Variants in TCF4 observed in about 807,000 individuals in gnomAD.
TCF4 encodes the protein SL3-3 enhancer factor 2.
A neutral mutation model predicts 82.1 loss-of-function variants in TCF4; 3 were observed. The ratio of observed to expected loss-of-function variants is 0.04; its 90% CI spans 0.02 to 0.09. The LOEUF is 0.09. Ranked by LOEUF, TCF4 falls within the 10% of genes least tolerant of loss-of-function variation. The pLI is 1.00. For synonymous variants in TCF4, 276 were observed against 309.6 expected (o/e 0.89, Z 1.14); for missense variants, 518 against 852.7 (o/e 0.61, Z 4.89).
At chr18:55,521,319 A>G (rs1168472968) in intron 3 of TCF4, among the ~76,000 whole-genome samples, 1 of 152,222 alleles carries the variant, frequency 6.6e-6, no homozygotes, top group Non-Finnish European at 1.5e-5. Flanking sequence ...CCTTAAAAGC[A>G]TGTTATGTAA....
intron 3 of TCF4, among the ~76,000 whole-genome samples, chr18:55,573,674 C>T (rs1407100367): frequency 1.3e-5 from 2 of 152,212 alleles, no homozygotes; most frequent in Non-Finnish European, 2.9e-5. Flanking sequence ...CCACAGTTCA[C>T]CTGGGCTGAT....
Position 55,253,402 on chromosome 18 carries a change from GC to G in TCF4, c.1350+1094del, listed in dbSNP as rs576191020. Reference sequence around the variant, plus strand: ...AAGGGGCAAAATAGGACACTAAGGTGCTTAGAGACGAGGTAGAGCTTGTGAG... The same window carrying G: ...AAGGGGCAAAATAGGACACTAAGGTGTTAGAGACGAGGTAGAGCTTGTGAG... On this transcript the variant is annotated intron_variant, in intron 15 of 19. Transcript: ENST00000354452. 9.2e-5 allele frequency among the ~76,000 whole-genome samples: 14 copies of G among 152,262 alleles called. No homozygotes were observed. In the East Asian group the frequency reaches 2.7e-3, roughly 29 times the overall value.
chr18:55,531,593 T>C (rs1378415246), intron 3 of TCF4, among the ~76,000 whole-genome samples: 1 of 152,188 alleles, frequency 6.6e-6, no homozygotes, highest in African/African-American at 2.4e-5. Flanking sequence ...TGTAGAGGAA[T>C]AGTATTTCAC....
intron 8 of TCF4, among the ~76,000 whole-genome samples, chr18:55,286,460 G>A (rs1451688912): frequency 6.6e-6 from 1 of 151,864 alleles, no homozygotes; most frequent in Non-Finnish European, 1.5e-5. Context: ...CTTACGCCAG[G>A]GCCTGGACAG....
upstream of TCF4, chr18:55,588,340 G>A (rs2097673044): frequency 2.0e-6 from 3 of 1,485,526 alleles, no homozygotes; most frequent in Non-Finnish European, 2.7e-6. Flanking sequence ...CTCCGGCGGG[G>A]AGACGCGACT....
chr18:55,546,048 G>A (rs1421790101), intron 3 of TCF4, among the ~76,000 whole-genome samples: 2 of 152,034 alleles, frequency 1.3e-5, no homozygotes, highest in Non-Finnish European at 2.9e-5. Context: ...AAATAGAGAC[G>A]TAAGTGCAGG....
At chr18:55,334,172 T>G (rs189062546) in intron 8 of TCF4, among the ~76,000 whole-genome samples, 31 of 152,194 alleles carry the variant, frequency 2.0e-4, no homozygotes, top group Admixed American at 2.0e-3. Flanking sequence ...CTAATTCAAA[T>G]AAAACCATAA....
intron 3 of TCF4, among the ~76,000 whole-genome samples, chr18:55,575,747 G>A (rs1300002754): frequency 2.6e-5 from 4 of 152,088 alleles, no homozygotes; most frequent in African/African-American, 9.7e-5. Context: ...ACAATATTTG[G>A]GGGAAGGGAT....
At chr18:55,449,429 A>C (rs1225200553) in intron 5 of TCF4, among the ~76,000 whole-genome samples, 1 of 152,254 alleles carries the variant, frequency 6.6e-6, no homozygotes, top group Non-Finnish European at 1.5e-5. Flanking sequence ...GCTTTCAAAA[A>C]CACGGATATT....
intron 8 of TCF4, among the ~76,000 whole-genome samples, chr18:55,290,788 T>C (rs914591305): frequency 6.6e-6 from 1 of 152,074 alleles, no homozygotes; most frequent in African/African-American, 2.4e-5. Context: ...AGTCACACTT[T>C]GAAGAGTCGA....
upstream of TCF4, chr18:55,589,407 A>G: frequency 1.9e-6 from 2 of 1,056,004 alleles, no homozygotes; most frequent in Non-Finnish European, 1.1e-6. Flanking sequence ...CCCAAAAAGT[A>G]TTTTAACTGG....
intron 2 of TCF4, chr18:55,585,835 C>T (rs1004405837): frequency 2.5e-5 from 29 of 1,149,896 alleles, no homozygotes; most frequent in Middle Eastern, 3.7e-4. Flanking sequence ...CATTTCGTCT[C>T]TAACAGGAGA....
rs189800781 is a variant in TCF4, at chr18:55,322,077, T to G, written c.549+28282A>C. Reference sequence around the variant, plus strand: ...TTACAAATTTCTGCAGTCTTCACTTTTTTCTTTTTCTTTTCTTTTTTTTTT... The same window carrying G: ...TTACAAATTTCTGCAGTCTTCACTTGTTTCTTTTTCTTTTCTTTTTTTTTT... On this transcript the variant is annotated intron_variant, in intron 8 of 19. Coordinates refer to ENST00000354452, the MANE Select transcript of TCF4 (RefSeq NM_001083962.2). The G allele has an allele frequency of 2.7e-6, 3 of 1,124,378 alleles. No individual in the cohort carries two copies. The Admixed American group carries it at 1.5e-4, about 55-fold the overall frequency. The allele number at this position is 1,124,378 out of a possible 1,614,324, so 69.7% of individuals were successfully genotyped here. A position where few individuals can be genotyped will look rare whatever the true frequency, so the allele number is the denominator to read the frequency against.
chr18:55,290,428 T>C (rs2064785230), intron 8 of TCF4, among the ~76,000 whole-genome samples: 3 of 152,196 alleles, frequency 2.0e-5, no homozygotes, highest in African/African-American at 7.2e-5. Context: ...TGGGAAATGC[T>C]GTCACAGTTT....
chr18:55,341,300 A>G (rs2079903195), intron 8 of TCF4, among the ~76,000 whole-genome samples: 1 of 152,168 alleles, frequency 6.6e-6, no homozygotes, highest in African/African-American at 2.4e-5. Flanking sequence ...TCTGTGTCTC[A>G]TTTTTAAGTC....
upstream of TCF4, chr18:55,589,189 ATTAT>A (rs2097678288): frequency 1.1e-6 from 1 of 876,166 alleles, no homozygotes; most frequent in Admixed American, 5.5e-5. Flanking sequence ...CCCATTGGCA[ATTAT>A]TTAATAGGTT....
chr18:55,391,588 A>G (rs1329246164), intron 6 of TCF4, among the ~76,000 whole-genome samples: 9 of 151,962 alleles, frequency 5.9e-5, no homozygotes, highest in South Asian at 4.2e-4. Flanking sequence ...GGTAAGCCCA[A>G]GTGGAACCAA....
intron 3 of TCF4, among the ~76,000 whole-genome samples, chr18:55,532,572 C>A (rs923198695): frequency 6.6e-6 from 1 of 152,208 alleles, no homozygotes; most frequent in African/African-American, 2.4e-5. Context: ...CCTATTCTCT[C>A]ACTAGTTTCA....
chr18:55,529,366 T>C (rs1218749606), intron 3 of TCF4, among the ~76,000 whole-genome samples: 2 of 152,342 alleles, frequency 1.3e-5, no homozygotes, highest in East Asian at 1.9e-4. Flanking sequence ...CTACCTTTCA[T>C]TTCTACTATG....
Sources: gnomAD v4.1 joint callset for allele counts (sites outside exome capture counted in the v4.1 genomes callset) on GRCh38, gnomAD v4.1.1 for gene constraint, MANE v1.5 for transcripts, NCBI Gene and HGNC (gene_info 2026-07-23, HGNC 2026-07-21) for gene names.